The following MYPN variants were observed in gnomAD, a reference collection of about 807,000 sequenced individuals.
MYPN encodes sarcomeric protein myopalladin, 145 kDa (MYOP).
A neutral mutation model predicts 129.4 loss-of-function variants in MYPN; 63 were observed. The ratio of observed to expected loss-of-function variants is 0.49; its 90% CI spans 0.40 to 0.60. MYPN has a LOEUF of 0.60. MYPN is among the 20% of genes least tolerant of loss of function. MYPN has a pLI of 0.00. For synonymous variants in MYPN, 629 were observed against 600.9 expected (o/e 1.05, Z -0.68); for missense variants, 1,596 against 1,635.4 (o/e 0.98, Z 0.42).
intron 19 of MYPN, among the ~76,000 whole-genome samples, chr10:68,207,607 T>C (rs1470689746): frequency 1.4e-5 from 1 of 69,310 alleles, no homozygotes; most frequent in African/African-American, 6.2e-5. Flanking sequence ...CTTTAACAAA[T>C]GTGTGTTGCT....
chr10:68,139,516 GA>G (rs1461217443), intron 2 of MYPN, among the ~76,000 whole-genome samples: 2 of 152,128 alleles, frequency 1.3e-5, no homozygotes, highest in East Asian at 1.9e-4. Context: ...TTCAGGAGGG[GA>G]GTAAAGATAA....
At chr10:68,092,681 C>T (rs1041022826) in intron 1 of MYPN, among the ~76,000 whole-genome samples, 7 of 152,056 alleles carry the variant, frequency 4.6e-5, no homozygotes, top group African/African-American at 1.7e-4. Context: ...TATGATGCTT[C>T]CATGTGTTTT....
chr10:68,170,955 C>G (rs1179777447), intron 10 of MYPN, among the ~76,000 whole-genome samples: 1 of 151,816 alleles, frequency 6.6e-6, no homozygotes, highest in Non-Finnish European at 1.5e-5. Flanking sequence ...TCTAGACTAC[C>G]CTGGCCAACA....
At chr10:68,210,190 C>A (rs1287314331) in intron 19 of MYPN, 96 bp from the exon 20 acceptor site, 2 of 1,398,726 alleles carry the variant, frequency 1.4e-6, no homozygotes, top group Non-Finnish European at 2.0e-6. Context: ...CAAGAATGCT[C>A]AGGGAGAATC....
intron 7 of MYPN, among the ~76,000 whole-genome samples, chr10:68,161,009 A>G (rs899970576): frequency 1.3e-5 from 2 of 152,236 alleles, no homozygotes; most frequent in African/African-American, 2.4e-5. Flanking sequence ...TGTATATTTT[A>G]TTAGGATATC....
chr10:68,098,565 G>C (rs77236065), intron 1 of MYPN, among the ~76,000 whole-genome samples: 12,214 of 151,982 alleles, frequency 0.08, 689 homozygotes, highest in South Asian at 0.22. Context: ...AAATTTTTTG[G>C]CTGGGCACGG....
chr10:68,205,069 T>C (rs1258572385), intron 18 of MYPN, among the ~76,000 whole-genome samples: 1 of 152,182 alleles, frequency 6.6e-6, no homozygotes, highest in Non-Finnish European at 1.5e-5. Flanking sequence ...CACCCTTGAA[T>C]TGGCTACATT....
At chr10:68,113,343 G>A (rs1160235665) in intron 1 of MYPN, among the ~76,000 whole-genome samples, 1 of 152,150 alleles carries the variant, frequency 6.6e-6, no homozygotes. Context: ...TTACTTAGGA[G>A]TTCTTTGGTT....
chr10:68,165,895 T>A (rs2043045797), intron 9 of MYPN, 77 bp downstream of exon 9: 4 of 1,190,624 alleles, frequency 3.4e-6, no homozygotes, highest in Middle Eastern at 1.9e-4. Context: ...TTTCCATTCC[T>A]TCCTGTTTTT....
rs1564680385 is a variant in MYPN, at chr10:68,174,115, C to T, written c.2023C>T (p.His675Tyr). Residue 675 changes from histidine to tyrosine, a missense_variant, in exon 11 of 20, where the codon CAC becomes TAC. Coordinates refer to ENST00000358913, the MANE Select transcript of MYPN (RefSeq NM_032578.4). ...QLHNQVLLEQ[H>Y]QLQNPPPSSP... Reference sequence around the variant, plus strand: ...TCATAACCAAGTCTTACTGGAACAACACCAATTGCAAAACCCACCTCCTTC... The same window carrying T: ...TCATAACCAAGTCTTACTGGAACAATACCAATTGCAAAACCCACCTCCTTC... 2 of 1,614,154 alleles carry T rather than the reference C, an allele frequency of 1.2e-6. No individual in the cohort carries two copies. Among genetic ancestry groups the T allele is most frequent in the East Asian group, 2.2e-5 (1 of 44,886 alleles).
chr10:68,194,384 A>C lies in MYPN; in HGVS notation c.2947A>C (p.Lys983Gln). 2.5e-6 allele frequency: 4 copies of C among 1,613,808 alleles called. No homozygotes were observed. Among genetic ancestry groups the C allele is most frequent in the Non-Finnish European group, 3.4e-6 (4 of 1,179,800 alleles). ...VPKVYWFKDG[K>Q]QISKRNEHCK... Reference sequence around the variant, plus strand: ...TCAGGTTTACTGGTTCAAAGATGGGAAGCAGATTTCTAAGAGAAATGAGCA... The same window carrying C: ...TCAGGTTTACTGGTTCAAAGATGGGCAGCAGATTTCTAAGAGAAATGAGCA... The change falls in exon 14 of 20, where the codon AAG becomes CAG. Residue 983 changes from lysine to glutamine, a missense_variant. Physicochemically the swap from Lys to Gln is moderately conservative, Grantham distance 53 (BLOSUM62 1). Coordinates refer to ENST00000358913, the MANE Select transcript of MYPN (RefSeq NM_032578.4).
In MYPN at chr10:68,174,108, G is replaced by A. The variant is rs1193028771; in HGVS notation, c.2016G>A (p.Leu672=). 1 of 1,614,068 alleles carries A rather than the reference G, an allele frequency of 6.2e-7. No homozygotes were observed. Among genetic ancestry groups the A allele is most frequent in the South Asian group, 1.1e-5 (1 of 91,070 alleles). Residue 672 remains leucine (L), a synonymous_variant, in exon 11 of 20, where the codon CTG becomes CTA. Coordinates refer to ENST00000358913, the MANE Select transcript of MYPN (RefSeq NM_032578.4). ...QLQQLHNQVL[L]EQHQLQNPPP... is the part of the protein sequence containing the mutation. Reference sequence around the variant, plus strand: ...AACAGCTTCATAACCAAGTCTTACTGGAACAACACCAATTGCAAAACCCAC... The same window carrying A: ...AACAGCTTCATAACCAAGTCTTACTAGAACAACACCAATTGCAAAACCCAC...
rs537055902 is a variant in MYPN, at chr10:68,136,800, G to C, written c.903-6140G>C. The stretch of plus-strand genomic sequence containing the variant: ...AATGTTTGTATAATGGAAAGTATTA[G>C]TTTTGAAATAGCTATTGATATTTGT... On this transcript the variant is annotated intron_variant, in intron 2 of 19. Transcript: ENST00000358913. 579 of 1,427,526 alleles carry C rather than the reference G, an allele frequency of 4.1e-4. No individual in the cohort carries two copies. The African/African-American group carries it at 4.2e-3, about 10-fold the overall frequency. 88.4% of individuals were successfully genotyped at this position (1,427,526 alleles called of 1,614,324 possible).
intron 2 of MYPN, chr10:68,136,375 T>C: frequency 1.2e-6 from 1 of 867,054 alleles, no homozygotes; most frequent in South Asian, 4.5e-5. Context: ...GTAAGTGTCA[T>C]GAGGATTTGG....
intron 1 of MYPN, chr10:68,114,104 A>G (rs1310370250): frequency 6.6e-6 from 1 of 152,164 alleles, no homozygotes; most frequent in African/African-American, 2.4e-5. Context: ...CAATCAGAAT[A>G]CTTCACTATT....
At chr10:68,174,889 C>G (rs1220062562) in intron 11 of MYPN, among the ~76,000 whole-genome samples, 1 of 152,020 alleles carries the variant, frequency 6.6e-6, no homozygotes, top group Non-Finnish European at 1.5e-5. Flanking sequence ...AATCCCAGCA[C>G]TTTGGGAGGC....
intron 12 of MYPN, among the ~76,000 whole-genome samples, chr10:68,179,926 T>A (rs10997983): frequency 0.054 from 8,232 of 152,318 alleles, 263 homozygotes; most frequent in Middle Eastern, 0.065. Context: ...ACCAAACATT[T>A]AAGTATAAAG....
intron 2 of MYPN, among the ~76,000 whole-genome samples, chr10:68,128,654 A>G (rs2042362586): frequency 6.6e-6 from 1 of 152,208 alleles, no homozygotes; most frequent in Admixed American, 6.5e-5. Context: ...CACAAATTCC[A>G]TAACTGTTTA....
chr10:68,206,114 G>A (rs1021505266), intron 18 of MYPN, among the ~76,000 whole-genome samples: 1 of 152,150 alleles, frequency 6.6e-6, no homozygotes, highest in Non-Finnish European at 1.5e-5. Context: ...AGGGGTGTAG[G>A]GAACATGTGG....
Sources: allele counts gnomAD v4.1 joint callset (sites outside exome capture counted in the v4.1 genomes callset), GRCh38; gene constraint gnomAD v4.1.1; transcripts MANE v1.5; gene names NCBI Gene and HGNC (gene_info 2026-07-23, HGNC 2026-07-21).